The following SEMA3D variants were observed in gnomAD, a reference collection of about 807,000 sequenced individuals.
The protein encoded by SEMA3D is semaphorin 3D, also known as semaphorin-3D.
In SEMA3D, 84 loss-of-function variants were observed where a neutral mutation model predicts 100.1. The ratio of observed to expected loss-of-function variants is 0.84; its 90% CI spans 0.70 to 1.01. The LOEUF is 1.01. SEMA3D is among the 50% of genes least tolerant of loss of function. The pLI, the probability that SEMA3D is intolerant of heterozygous loss-of-function variation, is 0.00. For missense variants in SEMA3D, 875 were observed against 934.1 expected (o/e 0.94, Z 0.82); for synonymous variants, 312 against 320.7 (o/e 0.97, Z 0.29).
At chr7:85,094,150 C>G (rs2116297388) in intron 4 of SEMA3D, among the ~76,000 whole-genome samples, 1 of 151,842 alleles carries the variant, frequency 6.6e-6, no homozygotes, top group Middle Eastern at 3.4e-3. Context: ...GAGAGAGAAG[C>G]AGAAAATAGA....
At chr7:85,142,537 C>T in intron 2 of SEMA3D, 5 of 983,294 alleles carry the variant, frequency 5.1e-6, no homozygotes, top group Non-Finnish European at 6.0e-6. Flanking sequence ...ATGGTATTTT[C>T]CCCAATTTGC....
intron 3 of SEMA3D, among the ~76,000 whole-genome samples, chr7:85,099,783 T>G (rs905300291): frequency 6.6e-6 from 1 of 151,976 alleles, no homozygotes; most frequent in African/African-American, 2.4e-5. Context: ...CCATATGATA[T>G]GGAGAATCTT....
the SEMA3D span, among the ~76,000 whole-genome samples, chr7:85,244,585 T>C: frequency 6.6e-6 from 1 of 152,080 alleles, no homozygotes; most frequent in Admixed American, 6.6e-5. Flanking sequence ...GTCCAGGAGG[T>C]ATGTGTCAGT....
chr7:85,243,690 A>G, the SEMA3D span, among the ~76,000 whole-genome samples: 6 of 152,128 alleles, frequency 3.9e-5, no homozygotes, highest in African/African-American at 1.4e-4. Flanking sequence ...TTTAACTACA[A>G]AAAAAATGGA....
At chr7:85,108,039 T>G (rs1354341197) in intron 3 of SEMA3D, among the ~76,000 whole-genome samples, 1 of 152,044 alleles carries the variant, frequency 6.6e-6, no homozygotes, top group African/African-American at 2.4e-5. Flanking sequence ...TTGAATAAAT[T>G]TTAAACTTCC....
chr7:85,145,725 T>C (rs1790184950), intron 2 of SEMA3D, among the ~76,000 whole-genome samples: 1 of 152,114 alleles, frequency 6.6e-6, no homozygotes, highest in African/African-American at 2.4e-5. Context: ...ATACAAAAGT[T>C]TGAGATTAAA....
intron 3 of SEMA3D, among the ~76,000 whole-genome samples, chr7:85,104,675 G>A (rs1583927082): frequency 6.6e-6 from 1 of 151,894 alleles, no homozygotes; most frequent in South Asian, 2.1e-4. Context: ...GTATTTGAGT[G>A]TTAAATGAAC....
chr7:85,155,023 T>C (rs1215429068), intron 1 of SEMA3D, among the ~76,000 whole-genome samples: 4 of 152,172 alleles, frequency 2.6e-5, no homozygotes, highest in East Asian at 1.9e-4. Context: ...TTAAAAATAA[T>C]GTAATCATCT....
chr7:85,001,039 GA>G (rs893322980), intron 18 of SEMA3D, among the ~76,000 whole-genome samples: 11 of 152,126 alleles, frequency 7.2e-5, no homozygotes, highest in Admixed American at 5.2e-4. Context: ...ATCTTTATGT[GA>G]AAAATATGTA....
the SEMA3D span, among the ~76,000 whole-genome samples, chr7:85,238,959 G>A: frequency 6.6e-6 from 1 of 151,882 alleles, no homozygotes; most frequent in Non-Finnish European, 1.5e-5. Flanking sequence ...AATGTAAATA[G>A]TACTGCATTT....
At chr7:85,104,558 C>A (rs1441956379) in intron 3 of SEMA3D, among the ~76,000 whole-genome samples, 1 of 151,924 alleles carries the variant, frequency 6.6e-6, no homozygotes, top group Non-Finnish European at 1.5e-5. Context: ...CCTGGGGAAA[C>A]ATTTGACCCG....
chr7:85,167,333 C>G (rs1790934158), intron 1 of SEMA3D: 1 of 982,900 alleles, frequency 1.0e-6, no homozygotes, highest in Non-Finnish European at 1.2e-6. Flanking sequence ...TGGTGATGTT[C>G]TCATAGAAAC....
chr7:85,161,979 T>G (rs1790755504), intron 1 of SEMA3D, among the ~76,000 whole-genome samples: 1 of 152,132 alleles, frequency 6.6e-6, no homozygotes, highest in Non-Finnish European at 1.5e-5. Flanking sequence ...TGTTTTCATT[T>G]TATGTGTTTG....
At chr7:85,000,799 C>T (rs1789635326) in intron 18 of SEMA3D, among the ~76,000 whole-genome samples, 1 of 152,102 alleles carries the variant, frequency 6.6e-6, no homozygotes, top group South Asian at 2.1e-4. Flanking sequence ...AACCTATCTT[C>T]AGTAAAACTA....
chr7:85,007,004 A>T, intron 17 of SEMA3D, 63 bp from the exon 18 acceptor site: 1 of 1,324,438 alleles, frequency 7.6e-7, no homozygotes, highest in Non-Finnish European at 1.1e-6. Context: ...ATGGGAAAAC[A>T]GACTGATTCA....
At chr7:85,177,814 T>A (rs780846819) in intron 1 of SEMA3D, among the ~76,000 whole-genome samples, 1 of 152,160 alleles carries the variant, frequency 6.6e-6, no homozygotes, top group Non-Finnish European at 1.5e-5. Flanking sequence ...TAAATGGAAG[T>A]AGAGGAAAAC....
chr7:85,058,747 C>CAAAAAAAAAAAAAAAAAAAAAAAAAAA (rs67267318), intron 8 of SEMA3D, among the ~76,000 whole-genome samples: 1 of 64,272 alleles, frequency 1.6e-5, no homozygotes, highest in Non-Finnish European at 3.1e-5. Context: ...GACTCCACTA[C>CAAAAAAAAAAAAAAAAAAAAAAAAAAA]AAAAAAAAAA....
chr7:85,194,590 T>A, the SEMA3D span, among the ~76,000 whole-genome samples: 2 of 152,150 alleles, frequency 1.3e-5, no homozygotes, highest in South Asian at 2.1e-4. Flanking sequence ...CAATCCAGGG[T>A]TCTACAGTTT....
At chr7:85,225,119 C>CAT in the SEMA3D span, among the ~76,000 whole-genome samples, 1 of 69,968 alleles carries the variant, frequency 1.4e-5, no homozygotes, top group Non-Finnish European at 2.7e-5. Context: ...TACATATATA[C>CAT]ATATATATAA....
Sources: gnomAD v4.1 joint callset for allele counts (sites outside exome capture counted in the v4.1 genomes callset) on GRCh38, gnomAD v4.1.1 for gene constraint, MANE v1.5 for transcripts, NCBI Gene and HGNC (gene_info 2026-07-23, HGNC 2026-07-21) for gene names.